ROBO2: variants seen among roughly 807,000 people sequenced by gnomAD.
ROBO2 encodes the protein roundabout homolog 2.
Under a neutral mutation model 160.8 loss-of-function variants are expected in ROBO2, and 53 were observed. The observed-to-expected ratio is 0.33, with a 90% CI of 0.26 to 0.41. The LOEUF is 0.41. Among genes scored for constraint, ROBO2 ranks in the 10% least tolerant of loss-of-function variants. ROBO2 has a pLI of 1.00. For missense variants in ROBO2, 1,577 were observed against 1,722.4 expected (o/e 0.92, Z 1.49); for synonymous variants, 664 against 611.7 (o/e 1.09, Z -1.26).
At chr3:77,625,108 G>T (rs775007243) in intron 23 of ROBO2, among the ~76,000 whole-genome samples, 26 of 152,060 alleles carry the variant, frequency 1.7e-4, no homozygotes, top group Admixed American at 3.3e-4. Context: ...CAACTAATTT[G>T]TGAGGGATCT....
At chr3:76,223,574 C>T (rs913660627) in intron 2 of ROBO2, among the ~76,000 whole-genome samples, 1 of 152,126 alleles carries the variant, frequency 6.6e-6, no homozygotes, top group African/African-American at 2.4e-5. Flanking sequence ...TTATAGGTTT[C>T]AGTTTTTCCC....
rs543322683 is a variant in ROBO2 at position 76,798,763 on chromosome 3, C to T, written c.110-299251C>T. Among the ~76,000 whole-genome samples the T allele has an allele frequency of 2.6e-5, 4 of 152,072 alleles. No individual in the cohort carries two copies. In the South Asian group the frequency reaches 8.3e-4, roughly 32 times the overall value. On this transcript the variant is annotated intron_variant, in intron 2 of 26. Transcript: ENST00000487694. ...CAAAAAGTAGCTAGGCATGGTGGTG[C>T]ACATCTGTAGTCCCAGCTACTCAGC...
intron 2 of ROBO2, among the ~76,000 whole-genome samples, chr3:76,226,860 T>G (rs1208911580): frequency 6.6e-6 from 1 of 152,142 alleles, no homozygotes; most frequent in Non-Finnish European, 1.5e-5. Flanking sequence ...TTGGCAAAGT[T>G]AAATGAGAAG....
intron 2 of ROBO2, among the ~76,000 whole-genome samples, chr3:76,171,622 A>C (rs2073042971): frequency 6.6e-6 from 1 of 152,068 alleles, no homozygotes. Context: ...CTCTCCGAGC[A>C]ATGCCCTGAT....
intron 2 of ROBO2, among the ~76,000 whole-genome samples, chr3:76,085,033 A>T (rs1190758824): frequency 6.6e-6 from 1 of 151,842 alleles, no homozygotes; most frequent in Non-Finnish European, 1.5e-5. Context: ...GGAAATGCTG[A>T]CTATTCTTGT....
At chr3:75,983,228 T>C (rs945502815) in intron 2 of ROBO2, among the ~76,000 whole-genome samples, 2 of 151,430 alleles carry the variant, frequency 1.3e-5, no homozygotes, top group African/African-American at 2.4e-5. Context: ...TTTAGAAGTA[T>C]GTGAAGAGTC....
chr3:77,313,257 A>G (rs1266432233), intron 2 of ROBO2, among the ~76,000 whole-genome samples: 1 of 152,184 alleles, frequency 6.6e-6, no homozygotes, highest in Non-Finnish European at 1.5e-5. Flanking sequence ...ATACATAACA[A>G]TTGTACATAT....
At chr3:76,641,432 T>C (rs1366083101) in intron 2 of ROBO2, among the ~76,000 whole-genome samples, 2 of 152,120 alleles carry the variant, frequency 1.3e-5, no homozygotes, top group African/African-American at 4.8e-5. Context: ...CAACTTAAGA[T>C]AAACCCAGAT....
chr3:76,024,135 C>T (rs576659740), intron 2 of ROBO2, among the ~76,000 whole-genome samples: 1 of 151,232 alleles, frequency 6.6e-6, no homozygotes, highest in African/African-American at 2.4e-5. Flanking sequence ...CTTTATTAAG[C>T]AAGAAACAAA....
At chr3:76,521,106 C>T (rs754712932) in intron 2 of ROBO2, among the ~76,000 whole-genome samples, 5 of 137,406 alleles carry the variant, frequency 3.6e-5, no homozygotes, top group East Asian at 2.1e-4. Flanking sequence ...TGGAGTGCAG[C>T]GGTGTGCTCT....
chr3:76,484,735 T>C (rs1181163406), intron 2 of ROBO2, among the ~76,000 whole-genome samples: 1 of 152,180 alleles, frequency 6.6e-6, no homozygotes, highest in Non-Finnish European at 1.5e-5. Flanking sequence ...TTGCTTATTA[T>C]TTCAAGTGGT....
chr3:76,884,906 T>C (rs879356250), intron 2 of ROBO2, among the ~76,000 whole-genome samples: 5 of 152,046 alleles, frequency 3.3e-5, no homozygotes, highest in Non-Finnish European at 5.9e-5. Context: ...TTCCTGCCAA[T>C]AGCTTAAAGA....
At chr3:76,034,513 G>C (rs2067035478) in intron 2 of ROBO2, among the ~76,000 whole-genome samples, 1 of 152,190 alleles carries the variant, frequency 6.6e-6, no homozygotes, top group Non-Finnish European at 1.5e-5. Context: ...AAAGTTGAAA[G>C]TATGTTGTTT....
At chr3:76,171,336 A>G (rs1352232070) in intron 2 of ROBO2, among the ~76,000 whole-genome samples, 2 of 151,742 alleles carry the variant, frequency 1.3e-5, no homozygotes, top group Admixed American at 1.3e-4. Context: ...AGAAAAAAAG[A>G]AGAAAAAGAA....
At chr3:77,271,741 C>T (rs1034031160) in intron 2 of ROBO2, among the ~76,000 whole-genome samples, 1 of 152,194 alleles carries the variant, frequency 6.6e-6, no homozygotes, top group East Asian at 1.9e-4. Context: ...CCCTAAATTA[C>T]GTATTAACAG....
intron 2 of ROBO2, among the ~76,000 whole-genome samples, chr3:76,833,426 T>C (rs1056598698): frequency 2.0e-5 from 3 of 152,140 alleles, no homozygotes; most frequent in Non-Finnish European, 4.4e-5. Context: ...GATAAAAGTT[T>C]GTGGGATAGA....
intron 2 of ROBO2, among the ~76,000 whole-genome samples, chr3:76,051,436 T>C (rs1457654277): frequency 6.6e-6 from 1 of 152,190 alleles, no homozygotes; most frequent in Non-Finnish European, 1.5e-5. Context: ...GACTATATTA[T>C]AACAATGTTT....
At chr3:76,130,231 C>G (rs1416230406) in intron 2 of ROBO2, among the ~76,000 whole-genome samples, 1 of 151,972 alleles carries the variant, frequency 6.6e-6, no homozygotes, top group East Asian at 1.9e-4. Flanking sequence ...ATGCTAGAAA[C>G]TTTTACCCAA....
chr3:76,975,261 T>G (rs1000216575), intron 2 of ROBO2, among the ~76,000 whole-genome samples: 33 of 152,116 alleles, frequency 2.2e-4, no homozygotes, highest in Admixed American at 1.8e-3. Flanking sequence ...TCCCAGCACT[T>G]TGGGAGGCTG....
Sources: gnomAD v4.1 joint callset for allele counts (sites outside exome capture counted in the v4.1 genomes callset) on GRCh38, gnomAD v4.1.1 for gene constraint, MANE v1.5 for transcripts, NCBI Gene and HGNC (gene_info 2026-07-23, HGNC 2026-07-21) for gene names.